Variants in GATA4 observed in about 807,000 individuals in gnomAD.
GATA4 encodes transcription factor GATA-4.
In GATA4, 7 loss-of-function variants were observed where a neutral mutation model predicts 37.9. The ratio of observed to expected loss-of-function variants is 0.18; its 90% CI spans 0.11 to 0.35. The LOEUF (loss-of-function observed/expected upper bound fraction) is 0.35. Ranked by LOEUF, GATA4 falls within the 10% of genes least tolerant of loss-of-function variation. The pLI is 1.00. For synonymous variants in GATA4, 372 were observed against 292.6 expected (o/e 1.27, Z -2.77); for missense variants, 647 against 653.0 (o/e 0.99, Z 0.10).
At chr8:11,723,848 T>C (rs1800789195) in intron 2 of GATA4, among the ~76,000 whole-genome samples, 1 of 152,260 alleles carries the variant, frequency 6.6e-6, no homozygotes, top group African/African-American at 2.4e-5. Context: ...TTTTAGCCAT[T>C]ATTAAGTGTA....
At chr8:11,682,309 A>C (rs1484916092) in intron 1 of GATA4, among the ~76,000 whole-genome samples, 8 of 152,216 alleles carry the variant, frequency 5.3e-5, no homozygotes, top group South Asian at 2.1e-4. Flanking sequence ...ATATGGTAGA[A>C]ATAGATAACT....
Position 11,708,252 on chromosome 8 carries a change from G to A in GATA4, c.-61G>A. ...GTTGTTGCCGTCGTTTTCTCTCCCC[G>A]CGTGGCTCCTTGACCTGCGAGGGAG... On this transcript the variant is annotated 5_prime_UTR_variant, in exon 2 of 7. Transcript: ENST00000532059. The surrounding 1 kb of genome is among the most constrained non-coding windows in gnomAD (Gnocchi z 6.7). 1.3e-6 allele frequency: 2 copies of A among 1,520,850 alleles called. No homozygotes were observed. Among genetic ancestry groups the A allele is most frequent in the Non-Finnish European group, 1.8e-6 (2 of 1,134,634 alleles). The allele number at this position is 1,520,850 out of a possible 1,614,324, so 94.2% of individuals were successfully genotyped here.
intron 2 of GATA4, among the ~76,000 whole-genome samples, chr8:11,732,988 T>C (rs1261385814): frequency 6.6e-6 from 1 of 152,082 alleles, no homozygotes; most frequent in Non-Finnish European, 1.5e-5. Flanking sequence ...TGGGTTAGGG[T>C]TGCCAGGAGT....
At chr8:11,752,204 G>A (rs897219542) in intron 4 of GATA4, among the ~76,000 whole-genome samples, 1 of 152,198 alleles carries the variant, frequency 6.6e-6, no homozygotes, top group Non-Finnish European at 1.5e-5. Flanking sequence ...TGTCGAAGGT[G>A]CATTAAACAG....
At chr8:11,690,561 C>G (rs991861911), upstream of GATA4, among the ~76,000 whole-genome samples, 2 of 151,638 alleles carry the variant, frequency 1.3e-5, no homozygotes, top group Non-Finnish European at 2.9e-5. Flanking sequence ...ATTAAAAAAA[C>G]AAAAAAAAGC....
At chr8:11,680,951 C>A in intron 1 of GATA4, 1 of 985,078 alleles carries the variant, frequency 1.0e-6, no homozygotes, top group Non-Finnish European at 1.2e-6. Context: ...TCACTGTGTC[C>A]CCCAGGTTAG....
chr8:11,680,376 C>T (rs1293329352), intron 1 of GATA4: 3 of 583,104 alleles, frequency 5.1e-6, no homozygotes, highest in Middle Eastern at 8.6e-4. Context: ...CTAACCAGGC[C>T]CCTCGGATTC....
Position 11,744,396 on chromosome 8 carries a change from C to T in GATA4, c.617-4520C>T, listed in dbSNP as rs73666004. ...TTCCTCCAAACGTGGGTGATGCCTT[C>T]CAAGTGGCTGGAGGAGTTCCCGGGA... On this transcript the variant is annotated intron_variant, in intron 2 of 6. Coordinates refer to ENST00000532059, the MANE Select transcript of GATA4 (RefSeq NM_001308093.3). Among the ~76,000 whole-genome samples the T allele has an allele frequency of 8.5e-3, 1,293 of 152,340 alleles. 9 individuals are homozygous for T. The highest frequency in any genetic ancestry group is 0.028 in the African/African-American group (1,174 of 41,572).
chr8:11,753,939 A>C (rs1249614675), intron 4 of GATA4, among the ~76,000 whole-genome samples: 3 of 152,200 alleles, frequency 2.0e-5, no homozygotes, highest in East Asian at 3.9e-4. Context: ...CCTGCTCCCC[A>C]GGACTGGCTT....
chr8:11,681,196 C>T, intron 1 of GATA4: 1 of 985,376 alleles, frequency 1.0e-6, no homozygotes, highest in Non-Finnish European at 1.2e-6. Context: ...AGGCCCTGGC[C>T]CGCGCGGGAT....
chr8:11,719,284 C>CAAT (rs1800567058), intron 2 of GATA4, among the ~76,000 whole-genome samples: 1 of 151,158 alleles, frequency 6.6e-6, no homozygotes, highest in Non-Finnish European at 1.5e-5. Context: ...TAAAGACAGG[C>CAAT]AATAATACAG....
In GATA4 at chr8:11,721,488, C is replaced by T. The variant is rs565197603; in HGVS notation, c.616+12560C>T. Among the ~76,000 whole-genome samples the T allele has an allele frequency of 7.9e-5, 12 of 151,922 alleles. No homozygotes were observed. The South Asian group carries it at 2.5e-3, about 32-fold the overall frequency. On this transcript the variant is annotated intron_variant, in intron 2 of 6. Transcript: ENST00000532059. ...CTGGCTGTTGGTTTTGTTTTGCACC[C>T]AAGCAGGGTGATGAGCGCCTCCCGC...
At chr8:11,677,872 C>T (rs1204507856) in intron 1 of GATA4, among the ~76,000 whole-genome samples, 7 of 152,038 alleles carry the variant, frequency 4.6e-5, no homozygotes, top group Non-Finnish European at 8.8e-5. Context: ...CCACTGCGTG[C>T]GTTGCAGAGC....
upstream of GATA4, chr8:11,692,586 G>A: frequency 1.0e-6 from 1 of 985,324 alleles, no homozygotes; most frequent in Non-Finnish European, 1.2e-6. Context: ...CTGGGAGGGC[G>A]TGGCCCCCGC....
At chr8:11,742,569 C>T (rs144407486) in intron 2 of GATA4, among the ~76,000 whole-genome samples, 156 of 152,242 alleles carry the variant, frequency 1.0e-3, no homozygotes, top group South Asian at 4.2e-3. Context: ...GCAAGGTGGG[C>T]GGTAACTGGT....
At chr8:11,744,073 G>A (rs1025021322) in intron 2 of GATA4, among the ~76,000 whole-genome samples, 1 of 152,168 alleles carries the variant, frequency 6.6e-6, no homozygotes, top group African/African-American at 2.4e-5. Flanking sequence ...TTGGTTCCTG[G>A]CTTGCAGTCT....
intron 2 of GATA4, among the ~76,000 whole-genome samples, chr8:11,743,730 G>T (rs965782163): frequency 6.6e-6 from 1 of 152,204 alleles, no homozygotes; most frequent in African/African-American, 2.4e-5. Flanking sequence ...GGCTGCGTCA[G>T]TTCTTTGTAG....
In GATA4 at chr8:11,758,596, C is replaced by G; in HGVS notation, c.*121C>G. ...CCTGGTAATGACTCCAGAACAACAA[C>G]TGGGAAGAAACTTGAAGTCGACAAT... On this transcript the variant is annotated 3_prime_UTR_variant, in exon 7 of 7. Transcript: ENST00000532059. 1 of 960,354 alleles carries G rather than the reference C, an allele frequency of 1.0e-6. No homozygotes were observed. The highest frequency in any genetic ancestry group is 1.7e-6 in the Non-Finnish European group (1 of 603,078). The allele number at this position is 960,354 out of a possible 1,614,324, so 59.5% of individuals were successfully genotyped here. A position where few individuals can be genotyped will look rare whatever the true frequency, so the allele number is the denominator to read the frequency against.
chr8:11,739,858 G>C (rs987961931), intron 2 of GATA4, among the ~76,000 whole-genome samples: 1 of 152,174 alleles, frequency 6.6e-6, no homozygotes, highest in African/African-American at 2.4e-5. Flanking sequence ...TTCTCTTATG[G>C]ATATTCACGA....
Sources: gnomAD v4.1 joint callset for allele counts (sites outside exome capture counted in the v4.1 genomes callset) on GRCh38, gnomAD v4.1.1 for gene constraint, Gnocchi (gnomAD v3.1) non-coding constraint, MANE v1.5 for transcripts, NCBI Gene and HGNC (gene_info 2026-07-23, HGNC 2026-07-21) for gene names.